Variants in TMEM165 observed in about 807,000 individuals in gnomAD.
TMEM165 encodes the protein transmembrane protein 165, also known as putative divalent cation/proton antiporter TMEM165.
TMEM165 carries 19 observed loss-of-function variants against 30.0 expected under a neutral mutation model. The ratio of observed to expected loss-of-function variants is 0.63; its 90% confidence interval spans 0.44 to 0.93. The LOEUF (loss-of-function observed/expected upper bound fraction) is 0.93, where lower values mean the gene tolerates loss of function less well. Ranked by LOEUF, TMEM165 falls within the 40% of genes least tolerant of loss-of-function variation. The pLI is 0.00. For missense variants in TMEM165, 340 were observed against 417.0 expected, an observed-to-expected ratio of 0.82 and a Z score of 1.61; for synonymous variants, 168 against 162.9, an observed-to-expected ratio of 1.03 and a Z score of -0.24.
chr4:55,431,695 T>G (rs1489607966), intron 3 of TMEM165: 1 of 138,056 alleles, frequency 7.2e-6, no homozygotes, highest in Non-Finnish European at 1.6e-5. Context: ...AAACTTTCAA[T>G]TACCAAAGAA....
At chr4:55,439,479 G>A (rs766598716) in intron 3 of TMEM165, among the ~76,000 whole-genome samples, 1 of 152,030 alleles carries the variant, frequency 6.6e-6, no homozygotes, top group Non-Finnish European at 1.5e-5. Flanking sequence ...ATTCACTATA[G>A]GATTACTATA....
chr4:55,396,252 G>C lies in TMEM165; in HGVS notation c.63G>C (p.Leu21=), dbSNP rs746908576. 6 of 1,512,370 alleles carry C rather than the reference G, an allele frequency of 4.0e-6. No individual in the cohort carries two copies. In the East Asian group the frequency reaches 1.1e-4, roughly 28 times the overall value. The allele number at this position is 1,512,370 out of a possible 1,614,324, so 93.7% of individuals were successfully genotyped here. A position where few individuals can be genotyped will look rare whatever the true frequency, so the allele number is the denominator to read the frequency against. Residue 21 remains leucine (L), a synonymous_variant, in exon 1 of 6, where the codon CTG becomes CTC. Coordinates refer to ENST00000381334, the MANE Select transcript of TMEM165 (RefSeq NM_018475.5). ...CGCCCCGGCTGCTTCTGCTCTTTCT[G>C]GTTCCGCTGCTGTGGGCCCCGGCTG... ...ASAPRLLLLF[L]VPLLWAPAAV... is the part of the protein sequence containing the mutation.
At chr4:55,413,922 A>C (rs1721617281) in intron 2 of TMEM165, among the ~76,000 whole-genome samples, 2 of 152,342 alleles carry the variant, frequency 1.3e-5, no homozygotes, top group South Asian at 4.1e-4. Context: ...ACAGTACTTG[A>C]ATCTGTCATC....
At position 55,396,174 on chromosome 4, in the gene TMEM165, CGGCCCGGCA is replaced by C. The variant is rs891651705; in HGVS notation, c.-12_-4del. ...TCCTCTTGCGGCGCCCGTGCGCGGC[CGGCCCGGCA>C]GGCGGGATGGCGGCCGCGGCTCCAG... On this transcript the variant is annotated 5_prime_UTR_variant, in exon 1 of 6. Coordinates refer to ENST00000381334, the MANE Select transcript of TMEM165 (RefSeq NM_018475.5). 7.4e-6 allele frequency: 10 copies of C among 1,356,306 alleles called. No homozygotes were observed. Among genetic ancestry groups the C allele is most frequent in the African/African-American group, 1.5e-5 (1 of 64,814 alleles). The allele number at this position is 1,356,306 out of a possible 1,614,324, so 84.0% of individuals were successfully genotyped here. A position where few individuals can be genotyped will look rare whatever the true frequency, so the allele number is the denominator to read the frequency against.
At chr4:55,432,726 C>G (rs1006382397) in intron 3 of TMEM165, 1 of 152,092 alleles carries the variant, frequency 6.6e-6, no homozygotes, top group Non-Finnish European at 1.5e-5. Context: ...TCCACTACTA[C>G]GCTTCAGACT....
chr4:55,453,150 C>G, exon 4 of TMEM165: 1 of 1,592,072 alleles, frequency 6.3e-7, no homozygotes, highest in Non-Finnish European at 8.6e-7. Context: ...AAAAAATAAT[C>G]AAATTTTAGT....
chr4:55,444,570 A>G, intron 3 of TMEM165: 1 of 1,603,998 alleles, frequency 6.2e-7, no homozygotes, highest in Non-Finnish European at 8.5e-7. Context: ...AAGAAAAGTT[A>G]ATTTTCCTAG....
intron 3 of TMEM165, among the ~76,000 whole-genome samples, chr4:55,438,109 G>A (rs1723036846): frequency 6.6e-6 from 1 of 152,164 alleles, no homozygotes; most frequent in African/African-American, 2.4e-5. Context: ...GACTGAGCAA[G>A]GGAAGAAAAA....
intron 4 of TMEM165, among the ~76,000 whole-genome samples, chr4:55,419,070 AAAG>A (rs1172773401): frequency 1.3e-5 from 2 of 152,124 alleles, no homozygotes; most frequent in Non-Finnish European, 2.9e-5. Flanking sequence ...TAATATATAA[AAAG>A]AACAAAAAAG....
exon 4 of TMEM165, chr4:55,453,281 T>C (rs917817502): frequency 6.3e-5 from 40 of 634,708 alleles, no homozygotes; most frequent in Non-Finnish European, 1.1e-4. Context: ...CTATAATGTC[T>C]TAATTTAACT....
intron 3 of TMEM165, among the ~76,000 whole-genome samples, chr4:55,442,869 A>G (rs2109685279): frequency 6.6e-6 from 1 of 152,266 alleles, no homozygotes; most frequent in Admixed American, 6.5e-5. Context: ...TGTGATTGTA[A>G]TAGAGATGAT....
At chr4:55,420,127 A>T (rs2037463) in intron 4 of TMEM165, among the ~76,000 whole-genome samples, 5,562 of 46,640 alleles carry the variant, frequency 0.12, 669 homozygotes, top group African/African-American at 0.33. Context: ...ATATACATAT[A>T]TATTTATTTA....
chr4:55,444,032 C>A (rs952466758), intron 3 of TMEM165: 14 of 685,822 alleles, frequency 2.0e-5, no homozygotes, highest in Middle Eastern at 8.0e-4. Flanking sequence ...GAAGAATTAG[C>A]AATAAATAAG....
chr4:55,449,159 G>A (rs1169980535), intron 3 of TMEM165, among the ~76,000 whole-genome samples: 1 of 119,314 alleles, frequency 8.4e-6, no homozygotes, highest in Non-Finnish European at 1.7e-5. Flanking sequence ...TCAATTTTGA[G>A]CTTTCCACAA....
At chr4:55,398,578 TTC>T (rs1720824000) in intron 1 of TMEM165, among the ~76,000 whole-genome samples, 1 of 152,236 alleles carries the variant, frequency 6.6e-6, no homozygotes, top group African/African-American at 2.4e-5. Context: ...GAGCCTAGCT[TTC>T]TCTTTCTCCT....
At chr4:55,398,620 G>A (rs1444660856) in intron 1 of TMEM165, among the ~76,000 whole-genome samples, 1 of 152,016 alleles carries the variant, frequency 6.6e-6, no homozygotes, top group Non-Finnish European at 1.5e-5. Context: ...GTATGTTGTG[G>A]CATGTTTACA....
chr4:55,419,578 G>A (rs985198206), intron 4 of TMEM165, among the ~76,000 whole-genome samples: 2 of 152,032 alleles, frequency 1.3e-5, no homozygotes, highest in South Asian at 2.1e-4. Flanking sequence ...TATATGAGGC[G>A]CCTGTCATTG....
intron 1 of TMEM165, among the ~76,000 whole-genome samples, chr4:55,408,563 CT>C (rs1721365724): frequency 6.6e-6 from 1 of 152,150 alleles, no homozygotes; most frequent in Admixed American, 6.5e-5. Context: ...TCTTATGGGA[CT>C]ACTGCTGCAT....
chr4:55,406,843 G>T (rs1427600971), intron 1 of TMEM165, among the ~76,000 whole-genome samples: 1 of 151,332 alleles, frequency 6.6e-6, no homozygotes, highest in Non-Finnish European at 1.5e-5. Context: ...TGTATTTTTT[G>T]TAGAGACAGG....
Sources: gnomAD v4.1 joint callset for allele counts (sites outside exome capture counted in the v4.1 genomes callset) on GRCh38, gnomAD v4.1.1 for gene constraint, MANE v1.5 for transcripts, NCBI Gene and HGNC (gene_info 2026-07-23, HGNC 2026-07-21) for gene names.